The following PIK3CA variants were observed in gnomAD, a reference collection of about 807,000 sequenced individuals.
PIK3CA encodes the protein phosphatidylinositol 4,5-bisphosphate 3-kinase catalytic subunit alpha isoform.
A neutral mutation model predicts 138.2 loss-of-function variants in PIK3CA; 27 were observed. The observed-to-expected ratio is 0.20, with a 90% CI of 0.14 to 0.27. The LOEUF (loss-of-function observed/expected upper bound fraction) is 0.27. Among genes scored for constraint, PIK3CA ranks in the 10% least tolerant of loss-of-function variants. The probability of loss-of-function intolerance (pLI) is 1.00; values close to 1 mark genes in which losing one functional copy is unlikely to be tolerated. For missense variants in PIK3CA, 544 were observed against 1,277.4 expected (o/e 0.43, Z 8.75); for synonymous variants, 358 against 413.2 (o/e 0.87, Z 1.62).
intron 6 of PIK3CA, 36 bp from the exon 7 acceptor site, chr3:179,209,559 C>A: frequency 7.9e-7 from 1 of 1,268,030 alleles, no homozygotes; most frequent in Non-Finnish European, 1.1e-6. Flanking sequence ...GAAGACTTTT[C>A]TTGATGTATT....
chr3:179,174,779 A>G (rs1006102269), intron 1 of PIK3CA, among the ~76,000 whole-genome samples: 27 of 152,210 alleles, frequency 1.8e-4, no homozygotes, highest in African/African-American at 6.3e-4. Flanking sequence ...CAATGACCAT[A>G]TAGTAATAAA....
chr3:179,176,467 A>C (rs895780334), intron 1 of PIK3CA, among the ~76,000 whole-genome samples: 2 of 152,182 alleles, frequency 1.3e-5, no homozygotes, highest in African/African-American at 4.8e-5. Flanking sequence ...TTCCAGCTTC[A>C]TCAAAAAAAG....
chr3:179,191,286 G>A (rs753319779), intron 1 of PIK3CA, among the ~76,000 whole-genome samples: 23 of 152,200 alleles, frequency 1.5e-4, no homozygotes, highest in Non-Finnish European at 2.1e-4. Flanking sequence ...CAAATAAAGA[G>A]ATGTAACTGA....
intron 1 of PIK3CA, among the ~76,000 whole-genome samples, chr3:179,171,030 A>C (rs188590046): frequency 6.6e-6 from 1 of 152,218 alleles, no homozygotes; most frequent in African/African-American, 2.4e-5. Flanking sequence ...CAGGGTGAAT[A>C]GTATACTGGC....
At chr3:179,192,625 A>G (rs1724163116) in intron 1 of PIK3CA, among the ~76,000 whole-genome samples, 2 of 152,250 alleles carry the variant, frequency 1.3e-5, no homozygotes, top group Non-Finnish European at 2.9e-5. Context: ...AAGATGCCAG[A>G]TAGTAATATT....
intron 1 of PIK3CA, among the ~76,000 whole-genome samples, chr3:179,185,182 C>A (rs1174115265): frequency 6.6e-6 from 1 of 152,122 alleles, no homozygotes; most frequent in African/African-American, 2.4e-5. Flanking sequence ...TAGAAAGAAA[C>A]ATAAAAACAA....
At chr3:179,175,935 C>T (rs967384116) in intron 1 of PIK3CA, among the ~76,000 whole-genome samples, 1 of 152,104 alleles carries the variant, frequency 6.6e-6, no homozygotes, top group Non-Finnish European at 1.5e-5. Context: ...GAAAAGCTGA[C>T]CGAAAGCTCT....
At chr3:179,206,052 G>T (rs567974643) in intron 6 of PIK3CA, among the ~76,000 whole-genome samples, 6 of 146,790 alleles carry the variant, frequency 4.1e-5, no homozygotes, top group Admixed American at 3.4e-4. Context: ...ATTCAGGTCA[G>T]AAATGAGATT....
chr3:179,170,926 T>G (rs753528095), intron 1 of PIK3CA, among the ~76,000 whole-genome samples: 1 of 152,082 alleles, frequency 6.6e-6, no homozygotes, highest in African/African-American at 2.4e-5. Context: ...AAGACAGGAA[T>G]AAAGCAATCA....
In PIK3CA at chr3:179,199,697, T is replaced by G; in HGVS notation, c.360T>G (p.Ala120=). The G allele has an allele frequency of 6.2e-7, 1 of 1,605,824 alleles. No homozygotes were observed. The highest frequency in any genetic ancestry group is 8.5e-7 in the Non-Finnish European group (1 of 1,172,756). ...TATGTAATTTTATTAAAGGTTTTGC[T>G]ATCGGCATGCCAGTGTGTGAATTTG... ...EKILNREIGF[A]IGMPVCEFDM... The change falls in exon 3 of 21, where the codon GCT becomes GCG. Residue 120 remains alanine (A), a synonymous_variant. Transcript: ENST00000263967.
rs1361447164 is a variant in PIK3CA at position 179,240,033 on chromosome 3, T to A, written c.*5669T>A. ...CTCATCAGAAACTGTCAATGTCTGC[T>A]TTTCTTTAACTCTGCAGTCTGTAAC... is the stretch of plus-strand genomic sequence containing the variant. On this transcript the variant is annotated 3_prime_UTR_variant, in exon 21 of 21. Coordinates refer to ENST00000263967, the MANE Select transcript of PIK3CA (RefSeq NM_006218.4). The A allele has an allele frequency of 1.3e-6, 2 of 1,548,654 alleles. No individual in the cohort carries two copies. Among genetic ancestry groups the A allele is most frequent in the East Asian group, 2.4e-5 (1 of 40,872 alleles).
At chr3:179,167,121 G>A (rs1447518593) in intron 1 of PIK3CA, among the ~76,000 whole-genome samples, 1 of 152,056 alleles carries the variant, frequency 6.6e-6, no homozygotes, top group Non-Finnish European at 1.5e-5. Flanking sequence ...CAGTGCCTCA[G>A]AAGATTTTTA....
intron 1 of PIK3CA, among the ~76,000 whole-genome samples, chr3:179,174,667 G>A (rs1294459479): frequency 6.6e-6 from 1 of 152,048 alleles, no homozygotes; most frequent in Non-Finnish European, 1.5e-5. Flanking sequence ...TTATTCATTA[G>A]TTTTCTCTTA....
chr3:179,150,817 G>A (rs1722996677), intron 1 of PIK3CA, among the ~76,000 whole-genome samples: 2 of 152,146 alleles, frequency 1.3e-5, no homozygotes, highest in Non-Finnish European at 2.9e-5. Flanking sequence ...CTCTAAACCA[G>A]TTTACTTTGT....
At chr3:179,168,311 T>C (rs775738965) in intron 1 of PIK3CA, among the ~76,000 whole-genome samples, 1 of 152,198 alleles carries the variant, frequency 6.6e-6, no homozygotes, top group Non-Finnish European at 1.5e-5. Flanking sequence ...GTCAAATTGT[T>C]TTCCAGCATT....
Position 179,226,039 on chromosome 3 carries a change from C to T in PIK3CA, c.2494C>T (p.Arg832Ter), listed in dbSNP as rs2108419645. The change falls in exon 17 of 21, where the codon CGA (arginine) becomes TGA (stop). Residue 832 changes from arginine (R) to a stop codon, truncating the protein, a stop_gained and splice_region_variant. Transcript: ENST00000263967. LOFTEE classifies it high-confidence loss of function. ...CTGGCAAAATCAAGGTCTTGATCTT[C>T]GGTAGGTAACCAGTAAGGCAACCTG... The part of the protein sequence containing the change: ...NIWQNQGLDL[R>*]MLPYGCLSIG... The T allele has an allele frequency of 6.4e-7, 1 of 1,559,828 alleles. No individual in the cohort carries two copies. Among genetic ancestry groups the T allele is most frequent in the Non-Finnish European group, 8.8e-7 (1 of 1,132,362 alleles).
intron 2 of PIK3CA, 76 bp downstream of exon 2, chr3:179,199,253 T>C: frequency 1.1e-6 from 1 of 907,278 alleles, no homozygotes; most frequent in Admixed American, 2.7e-5. Flanking sequence ...AATATTTCTG[T>C]CTAAACCAAT....
intron 1 of PIK3CA, among the ~76,000 whole-genome samples, chr3:179,187,307 G>A (rs151183883): frequency 0.038 from 5,703 of 151,958 alleles, 358 homozygotes; most frequent in African/African-American, 0.13. Flanking sequence ...GGAGGCCGAG[G>A]TGGGCGGATC....
chr3:179,173,098 CATTT>C (rs1723601271), intron 1 of PIK3CA, among the ~76,000 whole-genome samples: 1 of 151,722 alleles, frequency 6.6e-6, no homozygotes, highest in African/African-American at 2.4e-5. Context: ...TGAAATGTAA[CATTT>C]ATAATAATTT....
Sources: allele counts gnomAD v4.1 joint callset (sites outside exome capture counted in the v4.1 genomes callset), GRCh38; gene constraint gnomAD v4.1.1; transcripts MANE v1.5; gene names NCBI Gene and HGNC (gene_info 2026-07-23, HGNC 2026-07-21).